PEX5L: variants seen among roughly 807,000 people sequenced by gnomAD.
The protein encoded by PEX5L is PEX5-related protein.
PEX5L carries 30 observed loss-of-function variants against 84.0 expected under a neutral mutation model. The ratio of observed to expected loss-of-function variants is 0.36; its 90% CI spans 0.27 to 0.48. PEX5L has a LOEUF of 0.48. Ranked by LOEUF, PEX5L falls within the 20% of genes least tolerant of loss-of-function variation. PEX5L has a pLI of 0.99. For synonymous variants in PEX5L, 270 were observed against 283.1 expected, an observed-to-expected ratio of 0.95 and a Z score of 0.46; for missense variants, 533 against 754.6, an observed-to-expected ratio of 0.71 and a Z score of 3.44.
At chr3:180,014,466 C>T (rs1328904163) in intron 1 of PEX5L, among the ~76,000 whole-genome samples, 2 of 141,322 alleles carry the variant, frequency 1.4e-5, no homozygotes, top group Admixed American at 6.8e-5. Context: ...AGCGAGACTC[C>T]GACTCAAAAA....
intron 1 of PEX5L, among the ~76,000 whole-genome samples, chr3:180,014,332 C>T (rs1175019087): frequency 6.6e-6 from 1 of 152,070 alleles, no homozygotes; most frequent in Non-Finnish European, 1.5e-5. Context: ...ATTAGCCAGG[C>T]GTGGTGGCGG....
rs116757161 is a variant in PEX5L, at chr3:180,028,168, T to C, written c.21+8411A>G. Among the ~76,000 whole-genome samples, 1,520 of 152,332 alleles carry C rather than the reference T, an allele frequency of 1.0e-2. 30 individuals are homozygous for C. Among genetic ancestry groups the C allele is most frequent in the African/African-American group, 0.035 (1,441 of 41,560 alleles). ...CCTTCCTCCTCAGATTTAACATCCA[T>C]TGATCATTCTTATTTGAGTCACTTT... On this transcript the variant is annotated intron_variant, in intron 1 of 14. Coordinates refer to ENST00000467460, the MANE Select transcript of PEX5L (RefSeq NM_016559.3).
At chr3:179,966,352 G>A (rs1434091566) in intron 2 of PEX5L, among the ~76,000 whole-genome samples, 1 of 152,156 alleles carries the variant, frequency 6.6e-6, no homozygotes, top group East Asian at 1.9e-4. Flanking sequence ...CCAAGAGACA[G>A]GGTATCATAC....
intron 1 of PEX5L, among the ~76,000 whole-genome samples, chr3:180,002,867 C>T (rs376965931): frequency 4.6e-5 from 7 of 152,048 alleles, no homozygotes; most frequent in African/African-American, 1.4e-4. Context: ...AGTAAATAAT[C>T]TTGCTAAATC....
chr3:179,878,600 T>C (rs2108762330), intron 5 of PEX5L, among the ~76,000 whole-genome samples: 1 of 152,362 alleles, frequency 6.6e-6, no homozygotes, highest in Middle Eastern at 3.4e-3. Flanking sequence ...TATTTGTGTG[T>C]GAATACCTTT....
chr3:179,948,864 G>T (rs1778317828), intron 2 of PEX5L, among the ~76,000 whole-genome samples: 1 of 152,200 alleles, frequency 6.6e-6, no homozygotes, highest in African/African-American at 2.4e-5. Flanking sequence ...GTATGAACTG[G>T]CAACTAAGAA....
chr3:179,984,892 C>G (rs894917699), intron 1 of PEX5L, among the ~76,000 whole-genome samples: 6 of 152,090 alleles, frequency 3.9e-5, no homozygotes, highest in African/African-American at 1.4e-4. Flanking sequence ...ATTTTTCTCC[C>G]CATTTATACT....
At chr3:180,034,259 T>TGA (rs1418368661) in intron 1 of PEX5L, among the ~76,000 whole-genome samples, 2 of 152,188 alleles carry the variant, frequency 1.3e-5, no homozygotes, top group Admixed American at 6.5e-5. Context: ...TGTTTTAAGG[T>TGA]ATCAGTCAAG....
chr3:179,967,353 T>A (rs558132820), intron 2 of PEX5L, among the ~76,000 whole-genome samples: 1 of 152,174 alleles, frequency 6.6e-6, no homozygotes, highest in South Asian at 2.1e-4. Context: ...AAACTGGGGA[T>A]GAAGGGAGGT....
chr3:179,866,254 C>T (rs528068781), intron 7 of PEX5L, among the ~76,000 whole-genome samples: 1 of 152,208 alleles, frequency 6.6e-6, no homozygotes, highest in African/African-American at 2.4e-5. Flanking sequence ...ATACAATTGC[C>T]TATATATTAT....
chr3:180,024,765 T>G (rs1415872167), intron 1 of PEX5L, among the ~76,000 whole-genome samples: 1 of 151,990 alleles, frequency 6.6e-6, no homozygotes, highest in African/African-American at 2.4e-5. Context: ...AAGCAACCCT[T>G]ACAACAGGGT....
chr3:180,034,945 T>C (rs1271459153), intron 1 of PEX5L, among the ~76,000 whole-genome samples: 6 of 152,182 alleles, frequency 3.9e-5, no homozygotes, highest in Non-Finnish European at 5.9e-5. Context: ...CTTTGAGATA[T>C]TGAGAAAATT....
intron 1 of PEX5L, among the ~76,000 whole-genome samples, chr3:180,024,687 T>TGAGA (rs113438710): frequency 1.3e-5 from 2 of 151,710 alleles, no homozygotes; most frequent in African/African-American, 4.9e-5. Context: ...CATGTGTGTG[T>TGAGA]GTGAGAGAGA....
intron 7 of PEX5L, among the ~76,000 whole-genome samples, chr3:179,871,569 A>G (rs554235993): frequency 6.6e-6 from 1 of 152,242 alleles, no homozygotes; most frequent in Non-Finnish European, 1.5e-5. Context: ...TTCTCTGTAC[A>G]TAGTGAACCA....
At chr3:179,926,383 A>G (rs1424307585) in intron 2 of PEX5L, among the ~76,000 whole-genome samples, 2 of 152,064 alleles carry the variant, frequency 1.3e-5, no homozygotes, top group Non-Finnish European at 2.9e-5. Flanking sequence ...GCCCAGCCAC[A>G]CTTGCTGTTC....
chr3:179,971,914 C>A (rs1020427825), intron 1 of PEX5L, among the ~76,000 whole-genome samples: 1 of 152,090 alleles, frequency 6.6e-6, no homozygotes, highest in Non-Finnish European at 1.5e-5. Flanking sequence ...TCTCAATATT[C>A]TTATGCTTCT....
At chr3:180,020,130 G>A (rs2110503439) in intron 1 of PEX5L, among the ~76,000 whole-genome samples, 1 of 152,194 alleles carries the variant, frequency 6.6e-6, no homozygotes, top group East Asian at 1.9e-4. Context: ...AATCTTCTCA[G>A]TCAAATAACG....
chr3:179,963,991 G>A lies in PEX5L; in HGVS notation c.93+7603C>T, dbSNP rs111444221. Among the ~76,000 whole-genome samples, 42 of 152,100 alleles carry A rather than the reference G, an allele frequency of 2.8e-4. 2 individuals are homozygous for A. The highest frequency in any genetic ancestry group is 7.2e-4 in the Admixed American group (11 of 15,270). ...TCTTAATTTAGGTTCAGGGGTACAT[G>A]TACAGGTTTGTTATATGGGTAAATT... On this transcript the variant is annotated intron_variant, in intron 2 of 14. Coordinates refer to ENST00000467460, the MANE Select transcript of PEX5L (RefSeq NM_016559.3).
intron 2 of PEX5L, among the ~76,000 whole-genome samples, chr3:179,959,478 C>G (rs1294569109): frequency 2.6e-5 from 4 of 152,112 alleles, no homozygotes; most frequent in Non-Finnish European, 5.9e-5. Context: ...GTTCCAGCAC[C>G]TAGCAAACAC....
Sources: gnomAD v4.1 joint callset for allele counts (sites outside exome capture counted in the v4.1 genomes callset) on GRCh38, gnomAD v4.1.1 for gene constraint, MANE v1.5 for transcripts, NCBI Gene and HGNC (gene_info 2026-07-23, HGNC 2026-07-21) for gene names.